CSMD3: variants seen among roughly 807,000 people sequenced by gnomAD.
CSMD3 encodes CUB and Sushi multiple domains 3.
A neutral mutation model predicts 435.2 loss-of-function variants in CSMD3; 177 were observed. That is an observed-to-expected ratio of 0.41 (90% CI 0.36 to 0.46). The LOEUF (loss-of-function observed/expected upper bound fraction) is 0.46, where lower values mean the gene tolerates loss of function less well. Ranked by LOEUF, CSMD3 falls within the 20% of genes least tolerant of loss-of-function variation. The pLI is 0.34. For synonymous variants in CSMD3, 1,656 were observed against 1,520.5 expected (o/e 1.09, Z -2.07); for missense variants, 4,265 against 4,504.6 (o/e 0.95, Z 1.52).
At chr8:113,371,427 T>C (rs977875161) in intron 1 of CSMD3, among the ~76,000 whole-genome samples, 1 of 152,156 alleles carries the variant, frequency 6.6e-6, no homozygotes, top group African/African-American at 2.4e-5. Context: ...TATGGCAGGT[T>C]CTAAGTTGCC....
At position 112,752,587 on chromosome 8, in the gene CSMD3, C is replaced by T. The variant is rs139378281; in HGVS notation, c.1972+47575G>A. 2.8e-3 allele frequency among the ~76,000 whole-genome samples: 424 copies of T among 152,118 alleles called. 4 individuals are homozygous for T. Among genetic ancestry groups the T allele is most frequent in the Non-Finnish European group, 4.8e-3 (327 of 68,010 alleles). On this transcript the variant is annotated intron_variant, in intron 13 of 70. Coordinates refer to ENST00000297405, the MANE Select transcript of CSMD3 (RefSeq NM_198123.2). ...AAGTGAGGAGTCATTAGATACTATC[C>T]AAATTTATTGAAACCTTAGACTGAT...
chr8:112,458,178 G>T (rs931490488), intron 32 of CSMD3, among the ~76,000 whole-genome samples: 10 of 133,832 alleles, frequency 7.5e-5, no homozygotes. Flanking sequence ...TGTAAAGACA[G>T]TCCCCTTCAA....
intron 1 of CSMD3, among the ~76,000 whole-genome samples, chr8:113,373,665 T>C (rs549200390): frequency 7.2e-4 from 110 of 152,164 alleles, no homozygotes; most frequent in African/African-American, 2.5e-3. Flanking sequence ...GTTACTAACA[T>C]GAAAAATGGG....
chr8:113,164,474 T>C (rs527686928), intron 4 of CSMD3, among the ~76,000 whole-genome samples: 1 of 151,078 alleles, frequency 6.6e-6, no homozygotes, highest in Admixed American at 6.6e-5. Flanking sequence ...AAATATTTAA[T>C]GTATTTAGAC....
chr8:113,395,852 T>G (rs988085336), intron 1 of CSMD3, among the ~76,000 whole-genome samples: 2 of 152,150 alleles, frequency 1.3e-5, no homozygotes, highest in Admixed American at 1.3e-4. Flanking sequence ...AATTAGTAAT[T>G]ATTTCTTTTA....
At chr8:112,371,889 C>T (rs1022229171) in intron 38 of CSMD3, among the ~76,000 whole-genome samples, 1 of 146,968 alleles carries the variant, frequency 6.8e-6, no homozygotes, top group Non-Finnish European at 1.5e-5. Context: ...GACTCTGTCT[C>T]AAAAAAAAAC....
intron 3 of CSMD3, among the ~76,000 whole-genome samples, chr8:113,247,653 C>T (rs563593282): frequency 6.6e-6 from 1 of 152,142 alleles, no homozygotes; most frequent in Non-Finnish European, 1.5e-5. Flanking sequence ...ACCATTTATT[C>T]ATAATGTCTT....
At chr8:113,116,180 C>CCCCA (rs1403184133) in intron 4 of CSMD3, among the ~76,000 whole-genome samples, 1 of 152,102 alleles carries the variant, frequency 6.6e-6, no homozygotes, top group Non-Finnish European at 1.5e-5. Flanking sequence ...TTGGCTGTGT[C>CCCCA]CCCACTCCAA....
intron 13 of CSMD3, among the ~76,000 whole-genome samples, chr8:112,732,053 A>AGT (rs926464691): frequency 1.0e-3 from 153 of 151,296 alleles, no homozygotes; most frequent in African/African-American, 3.2e-3. Flanking sequence ...GCATTGTGTG[A>AGT]GTGTGTGTGT....
intron 1 of CSMD3, among the ~76,000 whole-genome samples, chr8:113,349,069 T>C (rs1283663535): frequency 6.6e-6 from 1 of 152,142 alleles, no homozygotes; most frequent in African/African-American, 2.4e-5. Context: ...TCATAATCAT[T>C]ATTTATTTTT....
chr8:112,724,404 T>C (rs1246054425), intron 13 of CSMD3, among the ~76,000 whole-genome samples: 1 of 152,010 alleles, frequency 6.6e-6, no homozygotes, highest in Non-Finnish European at 1.5e-5. Flanking sequence ...ATTCCAGACA[T>C]GTTTTCAAAG....
intron 32 of CSMD3, among the ~76,000 whole-genome samples, chr8:112,413,471 A>G (rs1480038291): frequency 2.0e-5 from 3 of 152,200 alleles, no homozygotes; most frequent in Non-Finnish European, 4.4e-5. Flanking sequence ...AATTTGCTTA[A>G]TTAAGCCATC....
intron 27 of CSMD3, among the ~76,000 whole-genome samples, chr8:112,521,863 T>A (rs1329264479): frequency 2.0e-5 from 3 of 151,774 alleles, no homozygotes; most frequent in Admixed American, 2.0e-4. Context: ...CCTATATAAA[T>A]TTTTCCTAGA....
At chr8:112,827,164 AATATATATATATATATATATATAT>A (rs3047126) in intron 12 of CSMD3, among the ~76,000 whole-genome samples, 1,927 of 82,880 alleles carry the variant, frequency 0.023, 146 homozygotes, top group African/African-American at 0.085. Flanking sequence ...GGTTACCATA[AATATATATATATATATATATATAT>A]ATATATATAT....
intron 27 of CSMD3, among the ~76,000 whole-genome samples, chr8:112,545,887 T>C (rs1827142066): frequency 6.6e-6 from 1 of 152,144 alleles, no homozygotes; most frequent in African/African-American, 2.4e-5. Context: ...ACAGTCAGAA[T>C]GCCAGGACAA....
chr8:112,406,020 TTA>T (rs925872333), intron 35 of CSMD3, among the ~76,000 whole-genome samples: 63 of 100,204 alleles, frequency 6.3e-4, no homozygotes, highest in African/African-American at 1.8e-3. Flanking sequence ...TGGAAATAAC[TTA>T]AAGAGTATAA....
At chr8:112,873,842 A>T (rs1388118955) in intron 10 of CSMD3, among the ~76,000 whole-genome samples, 1 of 151,862 alleles carries the variant, frequency 6.6e-6, no homozygotes, top group Non-Finnish European at 1.5e-5. Context: ...TATTTTGTTA[A>T]TCTTTTCATA....
intron 16 of CSMD3, 86 bp downstream of exon 16, chr8:112,682,356 G>C: frequency 1.1e-6 from 1 of 939,334 alleles, no homozygotes; most frequent in Non-Finnish European, 1.8e-6. Flanking sequence ...GATTATGACA[G>C]TCCTGGTAGG....
At chr8:112,688,615 A>G (rs1311682093) in intron 14 of CSMD3, among the ~76,000 whole-genome samples, 1 of 152,086 alleles carries the variant, frequency 6.6e-6, no homozygotes, top group Non-Finnish European at 1.5e-5. Context: ...TAAGTTTTAT[A>G]ATTTTTTGTA....
Sources: allele counts gnomAD v4.1 joint callset (sites outside exome capture counted in the v4.1 genomes callset), GRCh38; gene constraint gnomAD v4.1.1; transcripts MANE v1.5; gene names NCBI Gene and HGNC (gene_info 2026-07-23, HGNC 2026-07-21).